The following SLC6A6 variants were observed in gnomAD, a reference collection of about 807,000 sequenced individuals.
The protein encoded by SLC6A6 is solute carrier family 6 member 6.
Under a neutral mutation model 68.8 loss-of-function variants are expected in SLC6A6, and 16 were observed. That is an observed-to-expected ratio of 0.23 (90% CI 0.16 to 0.35). The LOEUF (loss-of-function observed/expected upper bound fraction) is 0.35. Among genes scored for constraint, SLC6A6 ranks in the 10% least tolerant of loss-of-function variants. SLC6A6 has a pLI of 1.00. For synonymous variants in SLC6A6, 312 were observed against 315.4 expected, an observed-to-expected ratio of 0.99 and a Z score of 0.12; for missense variants, 474 against 802.8, an observed-to-expected ratio of 0.59 and a Z score of 4.95.
At chr3:14,466,285 A>G (rs980456930) in intron 6 of SLC6A6, among the ~76,000 whole-genome samples, 4 of 150,766 alleles carry the variant, frequency 2.7e-5, no homozygotes, top group Non-Finnish European at 5.9e-5. Context: ...AAAAAAAAAA[A>G]AAAGAAATCT....
intron 5 of SLC6A6, among the ~76,000 whole-genome samples, chr3:14,452,942 C>T (rs1700286357): frequency 6.6e-6 from 1 of 152,218 alleles, no homozygotes; most frequent in Admixed American, 6.5e-5. Flanking sequence ...TCCAGACCCC[C>T]TGGGAGCTCG....
intron 2 of SLC6A6, among the ~76,000 whole-genome samples, chr3:14,425,308 A>G (rs923838531): frequency 2.0e-5 from 3 of 152,172 alleles, no homozygotes; most frequent in Non-Finnish European, 4.4e-5. Context: ...GTGATGCAGC[A>G]TAGGCAAAGG....
In SLC6A6 at chr3:14,466,634, G is replaced by A. The variant is rs1268135744; in HGVS notation, c.851G>A (p.Arg284His). The A allele has an allele frequency of 2.5e-6, 4 of 1,611,424 alleles. No homozygotes were observed. Among genetic ancestry groups the A allele is most frequent in the Non-Finnish European group, 3.4e-6 (4 of 1,178,458 alleles). Residue 284 changes from arginine (R) to histidine (H), a missense_variant, in exon 7 of 15, where the codon CGC becomes CAC. Physicochemically the swap from Arg to His is conservative, Grantham distance 29 (BLOSUM62 0). Transcript: ENST00000622186. ...TTCTATCTGTATCCTGACATCACCCGCCTTGAGGACCCACAGGTACTGTGG... is the reference window on the plus strand; with the variant it reads ...TTCTATCTGTATCCTGACATCACCCACCTTGAGGACCCACAGGTACTGTGG... The part of the protein sequence containing the change: ...IKFYLYPDIT[R>H]LEDPQVWIDA...
chr3:14,445,540 C>T (rs1700098900), intron 3 of SLC6A6, among the ~76,000 whole-genome samples, 177 bp from the exon 4 acceptor site: 1 of 152,194 alleles, frequency 6.6e-6, no homozygotes, highest in African/African-American at 2.4e-5. Flanking sequence ...AAAGGTGAAA[C>T]CAGCTGGCCA....
At chr3:14,454,349 G>C (rs1700321720) in intron 5 of SLC6A6, among the ~76,000 whole-genome samples, 2 of 152,146 alleles carry the variant, frequency 1.3e-5, no homozygotes, top group Non-Finnish European at 2.9e-5. Context: ...GTACTTAGGA[G>C]GCACAGGTGA....
At chr3:14,438,623 C>A (rs1699913597) in intron 2 of SLC6A6, among the ~76,000 whole-genome samples, 1 of 152,190 alleles carries the variant, frequency 6.6e-6, no homozygotes, top group Non-Finnish European at 1.5e-5. Context: ...GCTTGCCCAA[C>A]CCGCTGATCA....
chr3:14,462,708 A>G (rs530623671), intron 6 of SLC6A6, among the ~76,000 whole-genome samples: 18 of 152,200 alleles, frequency 1.2e-4, no homozygotes, highest in Middle Eastern at 6.8e-3. Context: ...AAAAAAATGT[A>G]AGGGGAAACA....
At chr3:14,483,185 G>C (rs1701048558) in intron 14 of SLC6A6, among the ~76,000 whole-genome samples, 1 of 152,160 alleles carries the variant, frequency 6.6e-6, no homozygotes, top group African/African-American at 2.4e-5. Flanking sequence ...GAGTGGGGTT[G>C]GCATGGGGGA....
At position 14,447,670 on chromosome 3, in the gene SLC6A6, G is replaced by A. The variant is rs758641471; in HGVS notation, c.453G>A (p.Gln151=). 1.5e-5 allele frequency: 24 copies of A among 1,614,250 alleles called. No individual in the cohort carries two copies. The highest frequency in any genetic ancestry group is 1.9e-5 in the Non-Finnish European group (22 of 1,180,048). Residue 151 remains glutamine (Q), a synonymous_variant, in exon 5 of 15, where the codon CAG becomes CAA. Transcript: ENST00000622186. ...ILAWATYYLF[Q]SFQKELPWAH... ...CCTGGGCCACATACTACCTGTTCCA[G>A]TCCTTCCAGAAGGAGCTGCCCTGGG...
rs930391296 is a variant in SLC6A6 at position 14,436,624 on chromosome 3, G to A, written c.-11-7000G>A. On this transcript the variant is annotated intron_variant, in intron 2 of 14. Transcript: ENST00000622186. ...CACTAGGGCCAAGGAGAGTGCCCTT[G>A]GCAGGCATCACTAATAGATCCTGGC... Among the ~76,000 whole-genome samples the A allele has an allele frequency of 8.0e-5, 11 of 137,910 alleles. No homozygotes were observed. The East Asian group carries it at 2.5e-3, about 31-fold the overall frequency. The allele number at this position is 137,910 out of a possible 152,430, so 90.5% of individuals were successfully genotyped here.
chr3:14,404,902 C>T (rs76875652), intron 1 of SLC6A6, among the ~76,000 whole-genome samples: 2,435 of 152,336 alleles, frequency 0.016, 30 homozygotes, highest in East Asian at 0.055. Flanking sequence ...TGCAATCATC[C>T]TCCCCTGCCT....
chr3:14,482,759 C>T (rs1441365714), intron 14 of SLC6A6, among the ~76,000 whole-genome samples: 1 of 152,060 alleles, frequency 6.6e-6, no homozygotes, highest in Admixed American at 6.5e-5. Context: ...CTGGGGTTAT[C>T]CTGGAGCTTT....
At chr3:14,418,912 T>A (rs1699424945) in intron 2 of SLC6A6, among the ~76,000 whole-genome samples, 1 of 152,212 alleles carries the variant, frequency 6.6e-6, no homozygotes, top group African/African-American at 2.4e-5. Flanking sequence ...TTCCTCAGGC[T>A]GGGAACGGCC....
intron 4 of SLC6A6, among the ~76,000 whole-genome samples, chr3:14,446,541 C>T (rs1411101578): frequency 6.6e-6 from 1 of 152,164 alleles, no homozygotes; most frequent in South Asian, 2.1e-4. Context: ...TGCACCTGCA[C>T]CCCCTGAATC....
At chr3:14,459,020 T>G (rs1182581128) in intron 6 of SLC6A6, among the ~76,000 whole-genome samples, 1 of 152,244 alleles carries the variant, frequency 6.6e-6, no homozygotes, top group East Asian at 1.9e-4. Flanking sequence ...ACCTAGACAC[T>G]GGCTGTTGTC....
Position 14,488,038 on chromosome 3 carries a change from C to G in SLC6A6, c.*3031C>G, listed in dbSNP as rs1039495964. ...TGACTCCAGCCTCACCTGCACACCC[C>G]AGCCCTGCACGGGGCCCTCCTTCCT... On this transcript the variant is annotated 3_prime_UTR_variant, in exon 15 of 15. Coordinates refer to ENST00000622186, the MANE Select transcript of SLC6A6 (RefSeq NM_003043.6). 1.3e-5 allele frequency: 2 copies of G among 152,848 alleles called. No individual in the cohort carries two copies. The highest frequency in any genetic ancestry group is 6.5e-5 in the Admixed American group (1 of 15,304). The allele number at this position is 152,848 out of a possible 1,614,324, so 9.5% of individuals were successfully genotyped here.
chr3:14,420,040 T>C (rs1699452347), intron 2 of SLC6A6, among the ~76,000 whole-genome samples: 1 of 152,186 alleles, frequency 6.6e-6, no homozygotes, highest in Non-Finnish European at 1.5e-5. Flanking sequence ...AAAGGCCACC[T>C]CAGGCCTGTT....
chr3:14,432,199 T>C (rs1699740408), intron 2 of SLC6A6, among the ~76,000 whole-genome samples: 1 of 152,238 alleles, frequency 6.6e-6, no homozygotes, highest in Admixed American at 6.5e-5. Flanking sequence ...TTAGGCTTCT[T>C]ACAGCTTAAA....
At chr3:14,419,740 C>T (rs955148315) in intron 2 of SLC6A6, among the ~76,000 whole-genome samples, 1 of 152,186 alleles carries the variant, frequency 6.6e-6, no homozygotes, top group Admixed American at 6.5e-5. Context: ...AGGCCTAGCA[C>T]ATCAGTGCCA....
Sources: allele counts gnomAD v4.1 joint callset (sites outside exome capture counted in the v4.1 genomes callset), GRCh38; gene constraint gnomAD v4.1.1; transcripts MANE v1.5; gene names NCBI Gene and HGNC (gene_info 2026-07-23, HGNC 2026-07-21).